Variants in METTL22 observed in about 807,000 individuals in gnomAD.
The protein encoded by METTL22 is methyltransferase 22, Kin17 lysine, also known as methyltransferase-like protein 22.
Under a neutral mutation model 48.4 loss-of-function variants are expected in METTL22, and 51 were observed. The observed-to-expected ratio is 1.05, with a 90% CI of 0.84 to 1.33. The LOEUF (loss-of-function observed/expected upper bound fraction) is 1.33. METTL22 is among the 40% of genes most tolerant of loss of function. The probability of loss-of-function intolerance (pLI) is 0.00; values close to 1 mark genes in which losing one functional copy is unlikely to be tolerated. For missense variants in METTL22, 678 were observed against 526.9 expected (o/e 1.29, Z -2.81); for synonymous variants, 255 against 214.1 (o/e 1.19, Z -1.67).
At chr16:8,663,539 G>A in the METTL22 span, among the ~76,000 whole-genome samples, 1 of 148,070 alleles carries the variant, frequency 6.8e-6, no homozygotes, top group African/African-American at 2.5e-5. Context: ...CTAAAATCAA[G>A]AGGGGGCCCC....
the METTL22 span, among the ~76,000 whole-genome samples, chr16:8,657,834 T>TTTTTTTTTTTTTTTTTA: frequency 6.8e-6 from 1 of 148,060 alleles, no homozygotes; most frequent in Non-Finnish European, 1.5e-5. Flanking sequence ...CTTTTTTTTT[T>TTTTTTTTTTTTTTTTTA]GAGACAAGGT....
At chr16:8,655,797 G>T in the METTL22 span, among the ~76,000 whole-genome samples, 1 of 152,224 alleles carries the variant, frequency 6.6e-6, no homozygotes, top group Non-Finnish European at 1.5e-5. Context: ...CCATCCAGGT[G>T]CTCTTCTAAA....
At chr16:8,655,025 C>T in the METTL22 span, among the ~76,000 whole-genome samples, 1 of 152,202 alleles carries the variant, frequency 6.6e-6, no homozygotes, top group South Asian at 2.1e-4. Context: ...ACCTGCTGGG[C>T]CTCTTCCCAA....
chr16:8,641,568 G>A, intron 7 of METTL22: 1 of 480,738 alleles, frequency 2.1e-6, no homozygotes, highest in Non-Finnish European at 4.1e-6. Context: ...AAACCCCCCG[G>A]GTAGGACAGT....
chr16:8,638,889 G>A (rs1162580840), intron 5 of METTL22, among the ~76,000 whole-genome samples: 1 of 152,228 alleles, frequency 6.6e-6, no homozygotes, highest in Non-Finnish European at 1.5e-5. Context: ...CCCATCAGGA[G>A]GAGAATCTCT....
chr16:8,659,289 C>T, the METTL22 span, among the ~76,000 whole-genome samples: 1 of 151,738 alleles, frequency 6.6e-6, no homozygotes, highest in Admixed American at 6.6e-5. Context: ...CAAGATTGCG[C>T]CTCTGTACTC....
At chr16:8,666,547 C>T in the METTL22 span, among the ~76,000 whole-genome samples, 3 of 152,234 alleles carry the variant, frequency 2.0e-5, no homozygotes, top group African/African-American at 7.2e-5. Flanking sequence ...CTGCTACGTG[C>T]TCTAAGGCAC....
At chr16:8,630,941 C>G (rs528086987) in intron 3 of METTL22, among the ~76,000 whole-genome samples, 2 of 152,322 alleles carry the variant, frequency 1.3e-5, no homozygotes, top group African/African-American at 4.8e-5. Flanking sequence ...GGATTTTGAG[C>G]CCAGCTCCAT....
At position 8,628,676 on chromosome 16, in the gene METTL22, G is replaced by A. The variant is rs1292526496; in HGVS notation, c.134-54G>A. 2.6e-6 allele frequency: 4 copies of A among 1,541,830 alleles called. No individual in the cohort carries two copies. The African/African-American group carries it at 4.2e-5, about 16-fold the overall frequency. ...GATATTCTCAAAGAAGAAGAGGAAG[G>A]TAAAAAAGAAAACATCTTGGAATTC... On this transcript the variant is annotated intron_variant, in intron 2 of 10. Coordinates refer to ENST00000381920, the MANE Select transcript of METTL22 (RefSeq NM_024109.4).
rs762583956 is a variant in METTL22, at chr16:8,644,695, G to C, written c.1149G>C (p.Gln383His). 9 of 1,600,290 alleles carry C rather than the reference G, an allele frequency of 5.6e-6. No homozygotes were observed. In the Admixed American group the frequency reaches 1.6e-4, roughly 28 times the overall value. The change falls in exon 10 of 11, where the codon CAG (glutamine) becomes CAC (histidine). Residue 383 changes from glutamine to histidine, a missense_variant. Physicochemically the swap from Gln to His is conservative, Grantham distance 24. Coordinates refer to ENST00000381920, the MANE Select transcript of METTL22 (RefSeq NM_024109.4). ...AGCCCGTGGAGGCCTCCTTCCCACA[G>C]CTCCTGGTTTACGAGCGCCTCCAGC... ...VVEPVEASFP[Q>H]LLVYERLQQL...
At chr16:8,633,899 G>A (rs2056344104) in intron 3 of METTL22, among the ~76,000 whole-genome samples, 1 of 152,224 alleles carries the variant, frequency 6.6e-6, no homozygotes, top group South Asian at 2.1e-4. Flanking sequence ...AATCTCAGTG[G>A]CACCCAGGGC....
chr16:8,662,542 G>A, the METTL22 span, among the ~76,000 whole-genome samples: 5 of 144,678 alleles, frequency 3.5e-5, no homozygotes, highest in African/African-American at 1.3e-4. Flanking sequence ...TCTTTGGAGC[G>A]TTTCTTCTAG....
chr16:8,655,459 A>T, the METTL22 span, among the ~76,000 whole-genome samples: 68 of 152,356 alleles, frequency 4.5e-4, no homozygotes, highest in African/African-American at 1.5e-3. Flanking sequence ...CAGCTTTCTC[A>T]GAGCAAGCAT....
At chr16:8,627,856 C>G (rs1253372084) in intron 2 of METTL22, among the ~76,000 whole-genome samples, 1 of 152,170 alleles carries the variant, frequency 6.6e-6, no homozygotes, top group Non-Finnish European at 1.5e-5. Flanking sequence ...AGGTGATCCT[C>G]CCATCTCAGC....
intron 5 of METTL22, among the ~76,000 whole-genome samples, chr16:8,637,475 A>G (rs2056458193): frequency 6.6e-6 from 1 of 152,252 alleles, no homozygotes; most frequent in Non-Finnish European, 1.5e-5. Context: ...GCCATGTTCC[A>G]GTTGGAAAAG....
chr16:8,644,442 A>G, intron 9 of METTL22, 115 bp from the exon 10 acceptor site: 1 of 1,068,446 alleles, frequency 9.4e-7, no homozygotes, highest in Non-Finnish European at 1.3e-6. Context: ...CGCTCAGTAA[A>G]AGCCCGTCCA....
chr16:8,655,711 T>A, the METTL22 span, among the ~76,000 whole-genome samples: 1 of 152,224 alleles, frequency 6.6e-6, no homozygotes, highest in Non-Finnish European at 1.5e-5. Flanking sequence ...TGGAAGGAAG[T>A]GGGCAAGCCC....
chr16:8,656,746 A>G, the METTL22 span, among the ~76,000 whole-genome samples: 2 of 152,280 alleles, frequency 1.3e-5, no homozygotes, highest in African/African-American at 4.8e-5. Context: ...TTGTGCTGCT[A>G]TAACAGAACA....
intron 8 of METTL22, 54 bp downstream of exon 8, chr16:8,642,261 G>A: frequency 6.7e-7 from 1 of 1,496,792 alleles, no homozygotes; most frequent in Non-Finnish European, 9.3e-7. Context: ...ATGAAGTCAA[G>A]TGCAGTCTCT....
Sources: gnomAD v4.1 joint callset for allele counts (sites outside exome capture counted in the v4.1 genomes callset) on GRCh38, gnomAD v4.1.1 for gene constraint, MANE v1.5 for transcripts, NCBI Gene and HGNC (gene_info 2026-07-23, HGNC 2026-07-21) for gene names.